Variants in FRY observed in about 807,000 individuals in gnomAD.
FRY encodes the protein protein furry homolog.
In FRY, 128 loss-of-function variants were observed where a neutral mutation model predicts 348.4. The ratio of observed to expected loss-of-function variants is 0.37; its 90% CI spans 0.32 to 0.43. The LOEUF (loss-of-function observed/expected upper bound fraction) is 0.43, where lower values mean the gene tolerates loss of function less well. Among genes scored for constraint, FRY ranks in the 20% least tolerant of loss-of-function variants. The probability of loss-of-function intolerance (pLI) is 1.00; values close to 1 mark genes in which losing one functional copy is unlikely to be tolerated. For missense variants in FRY, 2,736 were observed against 3,695.2 expected, an observed-to-expected ratio of 0.74 and a Z score of 6.73; for synonymous variants, 1,370 against 1,374.7, an observed-to-expected ratio of 1.00 and a Z score of 0.08.
intron 38 of FRY, among the ~76,000 whole-genome samples, chr13:32,225,317 G>A (rs548741784): frequency 3.3e-5 from 5 of 152,214 alleles, no homozygotes; most frequent in South Asian, 2.1e-4. Flanking sequence ...GAGAGTCTTC[G>A]GCTGAAATGG....
intron 1 of FRY, among the ~76,000 whole-genome samples, chr13:32,062,140 T>C (rs1873976251): frequency 6.6e-6 from 1 of 152,082 alleles, no homozygotes; most frequent in African/African-American, 2.4e-5. Flanking sequence ...ACCCCTTACT[T>C]TTGTGGTTTA....
chr13:32,198,673 G>A (rs1490639066), intron 29 of FRY, among the ~76,000 whole-genome samples: 1 of 152,162 alleles, frequency 6.6e-6, no homozygotes, highest in East Asian at 1.9e-4. Flanking sequence ...CTGGCACAAA[G>A]TAAGCACATA....
At chr13:32,093,700 A>G (rs916557769) in intron 2 of FRY, among the ~76,000 whole-genome samples, 2 of 152,152 alleles carry the variant, frequency 1.3e-5, no homozygotes, top group African/African-American at 2.4e-5. Context: ...AAGTCTCAGT[A>G]TTTTGGGTTT....
chr13:32,131,997 C>G (rs1233943580), intron 8 of FRY, among the ~76,000 whole-genome samples, 157 bp downstream of exon 8: 1 of 152,172 alleles, frequency 6.6e-6, no homozygotes, highest in East Asian at 1.9e-4. Context: ...CCAAATAGTA[C>G]AGTTGCGGGC....
In FRY at chr13:32,237,017, C is replaced by T. The variant is rs1886260730; in HGVS notation, c.5811-362C>T. Among the ~76,000 whole-genome samples the T allele has an allele frequency of 1.3e-5, 2 of 152,148 alleles. No individual in the cohort carries two copies. Among genetic ancestry groups the T allele is most frequent in the South Asian group, 2.1e-4 (1 of 4,834 alleles). Reference sequence around the variant, plus strand: ...GGATAGCATAATTCCCATTTCTGTTCTCCTTATCAGTCAGTTAACAGAATA... The same window carrying T: ...GGATAGCATAATTCCCATTTCTGTTTTCCTTATCAGTCAGTTAACAGAATA... On this transcript the variant is annotated intron_variant, in intron 43 of 60. Coordinates refer to ENST00000542859, the MANE Select transcript of FRY (RefSeq NM_023037.3). This position sits in a 1 kb window ranked among gnomAD's most constrained non-coding sequence, Gnocchi z 6.3.
intron 2 of FRY, chr13:32,086,161 C>A: frequency 5.4e-6 from 2 of 367,872 alleles, no homozygotes; most frequent in Non-Finnish European, 1.1e-5. Flanking sequence ...GCCAGGCAGC[C>A]CAAAATATGA....
At chr13:32,204,624 C>T (rs1010457481) in intron 31 of FRY, among the ~76,000 whole-genome samples, 4 of 152,220 alleles carry the variant, frequency 2.6e-5, no homozygotes, top group South Asian at 2.1e-4. Context: ...CTAACTTCAA[C>T]TTTCCAGAAG....
chr13:32,253,747 A>G (rs988213218), intron 50 of FRY, among the ~76,000 whole-genome samples: 2 of 152,084 alleles, frequency 1.3e-5, no homozygotes, highest in African/African-American at 4.8e-5. Flanking sequence ...ATTTCTTATC[A>G]ATTGCTTGTT....
intron 2 of FRY, among the ~76,000 whole-genome samples, chr13:32,081,657 G>A (rs187085216): frequency 4.6e-5 from 7 of 152,300 alleles, no homozygotes; most frequent in Admixed American, 3.9e-4. Flanking sequence ...TGGCAGAAAT[G>A]TAAGCTTCTG....
chr13:32,124,299 C>T lies in FRY; in HGVS notation c.478C>T (p.Arg160Ter), dbSNP rs1336157826. 2 of 1,590,050 alleles carry T rather than the reference C, an allele frequency of 1.3e-6. No individual in the cohort carries two copies. Among genetic ancestry groups the T allele is most frequent in the African/African-American group, 1.3e-5 (1 of 74,394 alleles). Residue 160 changes from arginine (R) to a stop codon, truncating the protein, a stop_gained, in exon 5 of 61, where the codon CGA becomes TGA. Coordinates refer to ENST00000542859, the MANE Select transcript of FRY (RefSeq NM_023037.3). LOFTEE classifies it high-confidence loss of function. ...TAAATTTTACAGCGATGAACAACAG[C>T]GAGATTATTTAATGGAAAGACGGGA... Reference protein sequence around the residue: ...SNKSKSDEQQRDYLMERRDLA... With the variant: ...SNKSKSDEQQ
In FRY at chr13:32,124,320, C is replaced by G. The variant is rs773842653; in HGVS notation, c.499C>G (p.Arg167Gly). 9 of 1,601,970 alleles carry G rather than the reference C, an allele frequency of 5.6e-6. No homozygotes were observed. Among genetic ancestry groups the G allele is most frequent in the Non-Finnish European group, 7.7e-6 (9 of 1,169,166 alleles). ...EQQRDYLMER[R>G]DLAIDFIFSL... ...ACAGCGAGATTATTTAATGGAAAGA[C>G]GGGACCTCGCCATTGATTTTATTTT... The change falls in exon 5 of 61, where the codon CGG (arginine) becomes GGG (glycine). Residue 167 changes from arginine to glycine, a missense_variant. Coordinates refer to ENST00000542859, the MANE Select transcript of FRY (RefSeq NM_023037.3).
At chr13:32,201,271 C>G (rs1172313086) in intron 29 of FRY, among the ~76,000 whole-genome samples, 1 of 152,190 alleles carries the variant, frequency 6.6e-6, no homozygotes, top group African/African-American at 2.4e-5. Flanking sequence ...GCTAATGTCA[C>G]CTGGTGCTTC....
intron 59 of FRY, among the ~76,000 whole-genome samples, chr13:32,292,782 C>T (rs965902621): frequency 2.8e-4 from 40 of 140,770 alleles, no homozygotes; most frequent in African/African-American, 1.0e-3. Flanking sequence ...CAGAGCAAGA[C>T]TCCATCTCAA....
intron 36 of FRY, among the ~76,000 whole-genome samples, chr13:32,223,559 T>C (rs925421922): frequency 2.0e-5 from 3 of 152,068 alleles, no homozygotes; most frequent in African/African-American, 4.8e-5. Context: ...GAGGATCACT[T>C]GAGTCCAGGA....
At chr13:32,178,801 C>G (rs1882524042) in intron 21 of FRY, 43 bp from the exon 22 acceptor site, 2 of 1,308,488 alleles carry the variant, frequency 1.5e-6, no homozygotes, top group African/African-American at 2.9e-5. Flanking sequence ...TATTTAAAAT[C>G]CAGAACTTAG....
chr13:32,253,175 G>A (rs1469337149), intron 50 of FRY, among the ~76,000 whole-genome samples: 1 of 152,210 alleles, frequency 6.6e-6, no homozygotes, highest in East Asian at 1.9e-4. Flanking sequence ...GAAATCTCAT[G>A]TCTCGTCTCT....
chr13:32,125,450 A>G (rs190105282), intron 7 of FRY, among the ~76,000 whole-genome samples: 1 of 152,316 alleles, frequency 6.6e-6, no homozygotes, highest in East Asian at 1.9e-4. Flanking sequence ...GTCACACCCT[A>G]CTTACCCAGC....
intron 58 of FRY, among the ~76,000 whole-genome samples, chr13:32,288,057 G>A (rs535229698): frequency 2.9e-4 from 44 of 152,044 alleles, no homozygotes; most frequent in Non-Finnish European, 4.6e-4. Context: ...GGCTGCTTTC[G>A]CCCCAAAGTA....
At chr13:32,263,656 T>C (rs916901773) in intron 53 of FRY, among the ~76,000 whole-genome samples, 2 of 152,178 alleles carry the variant, frequency 1.3e-5, no homozygotes, top group African/African-American at 4.8e-5. Flanking sequence ...AATGTCAATA[T>C]GGTCATTTTC....
Sources: allele counts gnomAD v4.1 joint callset (sites outside exome capture counted in the v4.1 genomes callset), GRCh38; gene constraint gnomAD v4.1.1; non-coding constraint Gnocchi (gnomAD v3.1); transcripts MANE v1.5; gene names NCBI Gene and HGNC (gene_info 2026-07-23, HGNC 2026-07-21).